EPM2A: variants seen among roughly 807,000 people sequenced by gnomAD.
EPM2A encodes laforin.
In EPM2A, 21 loss-of-function variants were observed where a neutral mutation model predicts 26.5. The ratio of observed to expected loss-of-function variants is 0.79; its 90% confidence interval spans 0.56 to 1.14. The LOEUF (loss-of-function observed/expected upper bound fraction) is 1.14, where lower values mean the gene tolerates loss of function less well. Among genes scored for constraint, EPM2A ranks in the 50% most tolerant of loss-of-function variants. The probability of loss-of-function intolerance (pLI) is 0.00; values close to 1 mark genes in which losing one functional copy is unlikely to be tolerated. For missense variants in EPM2A, 458 were observed against 440.8 expected, an observed-to-expected ratio of 1.04 and a Z score of -0.35; for synonymous variants, 217 against 177.6, an observed-to-expected ratio of 1.22 and a Z score of -1.76.
intron 4 of EPM2A, among the ~76,000 whole-genome samples, chr6:145,420,415 G>A (rs1778766781): frequency 6.6e-6 from 1 of 152,080 alleles, no homozygotes; most frequent in Non-Finnish European, 1.5e-5. Flanking sequence ...AGTGGTTTAT[G>A]CATGCATATA....
At chr6:145,620,585 G>A (rs949535000), downstream of EPM2A, among the ~76,000 whole-genome samples, 7 of 152,134 alleles carry the variant, frequency 4.6e-5, no homozygotes, top group South Asian at 2.1e-4. Flanking sequence ...TATATACAGC[G>A]AACAGTAAAT....
chr6:145,602,826 G>A (rs986760528), intron 2 of EPM2A, among the ~76,000 whole-genome samples: 1 of 152,166 alleles, frequency 6.6e-6, no homozygotes, highest in African/African-American at 2.4e-5. Flanking sequence ...TTAACTTATT[G>A]AGATTGGAAT....
intron 2 of EPM2A, among the ~76,000 whole-genome samples, chr6:145,547,941 A>T (rs1177698209): frequency 3.9e-5 from 6 of 152,036 alleles, no homozygotes; most frequent in Admixed American, 3.9e-4. Flanking sequence ...GAAAACACTT[A>T]TTTTATAAAT....
chr6:145,668,934 G>A (rs527940284), intron 2 of EPM2A, among the ~76,000 whole-genome samples: 2 of 152,212 alleles, frequency 1.3e-5, no homozygotes, highest in South Asian at 4.1e-4. Context: ...CATTATACAA[G>A]GGAGAGCCTG....
At chr6:145,477,001 C>CA (rs1779551350) in intron 4 of EPM2A, among the ~76,000 whole-genome samples, 1 of 151,488 alleles carries the variant, frequency 6.6e-6, no homozygotes, top group African/African-American at 2.4e-5. Flanking sequence ...ATCAATGCAA[C>CA]AAAAAATTGG....
At chr6:145,437,040 A>G (rs1351577994) in intron 4 of EPM2A, among the ~76,000 whole-genome samples, 1 of 152,078 alleles carries the variant, frequency 6.6e-6, no homozygotes. Flanking sequence ...GATATGTGAT[A>G]TGGTTTGGCT....
intron 2 of EPM2A, among the ~76,000 whole-genome samples, chr6:145,555,631 CTT>C (rs1211602040): frequency 1.3e-5 from 2 of 152,110 alleles, no homozygotes; most frequent in Non-Finnish European, 2.9e-5. Flanking sequence ...TTTTCTTTCT[CTT>C]TGTCTCTCAA....
At chr6:145,572,964 A>G (rs1365157946) in intron 2 of EPM2A, among the ~76,000 whole-genome samples, 2 of 152,240 alleles carry the variant, frequency 1.3e-5, no homozygotes, top group African/African-American at 2.4e-5. Flanking sequence ...AGGAGGGGCC[A>G]AATACAGCAA....
downstream of EPM2A, among the ~76,000 whole-genome samples, chr6:145,623,313 T>A (rs1775676549): frequency 6.6e-6 from 1 of 152,230 alleles, no homozygotes; most frequent in Non-Finnish European, 1.5e-5. Flanking sequence ...GACTGTGGAT[T>A]GGGAAGGCTG....
chr6:145,470,404 T>C (rs80245438), intron 4 of EPM2A, among the ~76,000 whole-genome samples: 6,747 of 152,202 alleles, frequency 0.044, 486 homozygotes, highest in African/African-American at 0.15. Context: ...TAGTCCAAAA[T>C]ATTTTGCCAT....
chr6:145,630,411 G>A (rs1375561529), intron 3 of EPM2A: 5 of 152,062 alleles, frequency 3.3e-5, no homozygotes, highest in African/African-American at 1.2e-4. Flanking sequence ...TCAGGAGTTC[G>A]AGACCAGTCT....
intron 2 of EPM2A, among the ~76,000 whole-genome samples, chr6:145,527,592 A>C (rs1780293604): frequency 6.6e-6 from 1 of 152,022 alleles, no homozygotes; most frequent in African/African-American, 2.4e-5. Context: ...CTATTTAAGA[A>C]TAGCATCCTC....
intron 1 of EPM2A, among the ~76,000 whole-genome samples, chr6:145,695,563 G>C (rs951992910): frequency 7.2e-5 from 11 of 151,922 alleles, no homozygotes; most frequent in Non-Finnish European, 1.5e-4. Flanking sequence ...CACTTTACTT[G>C]TAAGAACACA....
At chr6:145,518,851 T>C (rs1780166677) in intron 2 of EPM2A, among the ~76,000 whole-genome samples, 1 of 152,178 alleles carries the variant, frequency 6.6e-6, no homozygotes, top group African/African-American at 2.4e-5. Flanking sequence ...AGGATGGCCA[T>C]TCTATGGAAA....
intron 4 of EPM2A, among the ~76,000 whole-genome samples, chr6:145,401,251 T>A (rs1199064269): frequency 6.6e-6 from 1 of 152,148 alleles, no homozygotes; most frequent in Non-Finnish European, 1.5e-5. Context: ...ATTTGTCATT[T>A]ATGCAGCATT....
chr6:145,397,845 A>G (rs1778426046), intron 4 of EPM2A, among the ~76,000 whole-genome samples: 1 of 152,210 alleles, frequency 6.6e-6, no homozygotes, highest in Admixed American at 6.5e-5. Flanking sequence ...TCTGTATCTG[A>G]CACCAAACCC....
chr6:145,473,182 A>G (rs1003336597), intron 4 of EPM2A, among the ~76,000 whole-genome samples: 1 of 152,126 alleles, frequency 6.6e-6, no homozygotes, highest in African/African-American at 2.4e-5. Flanking sequence ...TCAGAATTCT[A>G]TCAGATAAAT....
At chr6:145,478,415 TAGAAA>T (rs2114731191) in intron 4 of EPM2A, among the ~76,000 whole-genome samples, 1 of 151,822 alleles carries the variant, frequency 6.6e-6, no homozygotes, top group African/African-American at 2.4e-5. Context: ...TTCAAATAAA[TAGAAA>T]AGAAAATTAT....
chr6:145,610,063 AAATT>A (rs1371131794), intron 2 of EPM2A, among the ~76,000 whole-genome samples: 1 of 152,096 alleles, frequency 6.6e-6, no homozygotes, highest in African/African-American at 2.4e-5. Context: ...AAAAATACAA[AAATT>A]AGCGGGGCCT....
Sources: gnomAD v4.1 joint callset for allele counts (sites outside exome capture counted in the v4.1 genomes callset) on GRCh38, gnomAD v4.1.1 for gene constraint, MANE v1.5 for transcripts, NCBI Gene and HGNC (gene_info 2026-07-23, HGNC 2026-07-21) for gene names.